Variants in GABRB1 observed in about 807,000 individuals in gnomAD.
GABRB1 encodes gamma-aminobutyric acid receptor subunit beta-1.
In GABRB1, 17 loss-of-function variants were observed where a neutral mutation model predicts 51.6. The ratio of observed to expected loss-of-function variants is 0.33; its 90% CI spans 0.23 to 0.49. The LOEUF is 0.49. Ranked by LOEUF, GABRB1 falls within the 20% of genes least tolerant of loss-of-function variation. GABRB1 has a pLI of 0.99. For missense variants in GABRB1, 410 were observed against 600.6 expected (o/e 0.68, Z 3.32); for synonymous variants, 247 against 218.9 (o/e 1.13, Z -1.14).
intron 4 of GABRB1, among the ~76,000 whole-genome samples, chr4:47,175,390 A>G (rs964049974): frequency 6.6e-6 from 1 of 151,954 alleles, no homozygotes; most frequent in Non-Finnish European, 1.5e-5. Context: ...TGTTCCTTGT[A>G]TTTCTTTTTC....
chr4:47,217,486 C>T (rs144845727), intron 4 of GABRB1, among the ~76,000 whole-genome samples: 5 of 151,808 alleles, frequency 3.3e-5, no homozygotes, highest in Admixed American at 6.6e-5. Context: ...CACCCATGAA[C>T]GTATCTACCT....
chr4:47,365,141 G>C (rs1188261160), intron 5 of GABRB1, among the ~76,000 whole-genome samples: 1 of 152,070 alleles, frequency 6.6e-6, no homozygotes, highest in South Asian at 2.1e-4. Flanking sequence ...CCACCTCTCC[G>C]GTCCCTGTAT....
chr4:47,114,490 T>G (rs2109635068), intron 3 of GABRB1, among the ~76,000 whole-genome samples: 1 of 152,352 alleles, frequency 6.6e-6, no homozygotes, highest in African/African-American at 2.4e-5. Flanking sequence ...CAAACTATGA[T>G]TCTGGGCATG....
chr4:46,998,696 T>C (rs1230536342), intron 1 of GABRB1, among the ~76,000 whole-genome samples: 1 of 135,988 alleles, frequency 7.4e-6, no homozygotes, highest in Non-Finnish European at 1.5e-5. Context: ...ATTGTGCCAC[T>C]GCACTGCAGC....
chr4:47,008,472 T>C lies in GABRB1; in HGVS notation c.-20+14546T>C, dbSNP rs574488454. ...AAAAATAAAATATTTTACTTTTTTT[T>C]TTTTTCTTGAGATGGAGTCTCACTC... is the stretch of plus-strand genomic sequence containing the variant. On this transcript the variant is annotated intron_variant, in intron 1 of 3. Coordinates refer to the GABRB1 transcript ENST00000513567. Among the ~76,000 whole-genome samples, 3 of 151,804 alleles carry C rather than the reference T, an allele frequency of 2.0e-5. No individual in the cohort carries two copies. In the South Asian group the frequency reaches 6.3e-4, roughly 32 times the overall value.
intron 4 of GABRB1, among the ~76,000 whole-genome samples, chr4:47,281,491 C>T (rs1723291741): frequency 6.6e-6 from 1 of 151,764 alleles, no homozygotes; most frequent in African/African-American, 2.4e-5. Flanking sequence ...TATGGGGGCT[C>T]CTTAAAAAAT....
intron 5 of GABRB1, among the ~76,000 whole-genome samples, chr4:47,392,544 T>A (rs372186636): frequency 7.9e-5 from 12 of 152,152 alleles, no homozygotes; most frequent in African/African-American, 2.7e-4. Context: ...GGTTTCACCA[T>A]GTTGGCCAGG....
chr4:47,268,484 A>G (rs1252463014), intron 4 of GABRB1, among the ~76,000 whole-genome samples: 2 of 152,132 alleles, frequency 1.3e-5, no homozygotes, highest in East Asian at 3.9e-4. Flanking sequence ...TCCTATGTGC[A>G]TGTATTACAT....
At chr4:47,113,386 C>CA (rs760542350) in intron 3 of GABRB1, among the ~76,000 whole-genome samples, 59,253 of 106,840 alleles carry the variant, frequency 0.55, 14,667 homozygotes, top group African/African-American at 0.68. Flanking sequence ...ACTTCGTCTC[C>CA]AAAAAAAAAA....
At chr4:47,418,955 T>C (rs1422267963) in intron 8 of GABRB1, among the ~76,000 whole-genome samples, 1 of 152,210 alleles carries the variant, frequency 6.6e-6, no homozygotes, top group Non-Finnish European at 1.5e-5. Context: ...TGAGCATGAA[T>C]ATAATGTTAA....
intron 1 of GABRB1, among the ~76,000 whole-genome samples, chr4:47,013,291 G>T (rs1260368886): frequency 3.3e-5 from 5 of 152,138 alleles, no homozygotes; most frequent in African/African-American, 1.2e-4. Flanking sequence ...ATTACTTTTA[G>T]AAATAAGCTG....
At position 47,085,519 on chromosome 4, in the gene GABRB1, C is replaced by T. The variant is rs181879764; in HGVS notation, c.240+53035C>T. Among the ~76,000 whole-genome samples, 120 of 152,070 alleles carry T rather than the reference C, an allele frequency of 7.9e-4. No individual in the cohort carries two copies. The Middle Eastern group carries it at 0.014, about 17-fold the overall frequency. ...ATACTTTCCATATTGGCATTTGACACGGATTGAAACAGTATACGGAACTAG... is the reference window on the plus strand; with the variant it reads ...ATACTTTCCATATTGGCATTTGACATGGATTGAAACAGTATACGGAACTAG... On this transcript the variant is annotated intron_variant, in intron 3 of 8. Coordinates refer to ENST00000295454, the MANE Select transcript of GABRB1 (RefSeq NM_000812.4).
chr4:47,403,063 A>G (rs1416361750), intron 5 of GABRB1, among the ~76,000 whole-genome samples: 1 of 152,216 alleles, frequency 6.6e-6, no homozygotes, highest in Non-Finnish European at 1.5e-5. Context: ...ATAAGAATAA[A>G]TTTGCAGCAA....
At chr4:47,419,120 T>TA (rs1729021144) in intron 8 of GABRB1, among the ~76,000 whole-genome samples, 1 of 152,340 alleles carries the variant, frequency 6.6e-6, no homozygotes, top group Admixed American at 6.5e-5. Flanking sequence ...CATAACAACG[T>TA]AAACACCAGT....
At chr4:47,161,509 T>C in intron 4 of GABRB1, 40 bp downstream of exon 4, 1 of 1,544,246 alleles carries the variant, frequency 6.5e-7, no homozygotes, top group Non-Finnish European at 8.9e-7. Context: ...GTTGTTGTTG[T>C]TTTGTTTCAT....
At chr4:47,373,244 C>G (rs554962627) in intron 5 of GABRB1, among the ~76,000 whole-genome samples, 78 of 152,300 alleles carry the variant, frequency 5.1e-4, no homozygotes, top group African/African-American at 1.8e-3. Context: ...TATCCATAAC[C>G]CTTTTTCTTT....
At chr4:47,027,699 T>A (rs1317901569), upstream of GABRB1, among the ~76,000 whole-genome samples, 3 of 151,722 alleles carry the variant, frequency 2.0e-5, 1 homozygote, top group Admixed American at 2.0e-4. Context: ...ATTTTTAGAT[T>A]GTATTAAATT....
intron 3 of GABRB1, among the ~76,000 whole-genome samples, chr4:47,041,290 A>G (rs1725824729): frequency 6.6e-6 from 1 of 152,144 alleles, no homozygotes; most frequent in Non-Finnish European, 1.5e-5. Context: ...AGAATTCAAG[A>G]GAGCCCTGTC....
intron 5 of GABRB1, among the ~76,000 whole-genome samples, chr4:47,346,047 CA>C (rs10672251): frequency 5.5e-4 from 78 of 142,824 alleles, no homozygotes; most frequent in African/African-American, 5.7e-4. Context: ...TTGAAAATGG[CA>C]AAAAAAAAAG....
Sources: gnomAD v4.1 joint callset for allele counts (sites outside exome capture counted in the v4.1 genomes callset) on GRCh38, gnomAD v4.1.1 for gene constraint, MANE v1.5 for transcripts, NCBI Gene and HGNC (gene_info 2026-07-23, HGNC 2026-07-21) for gene names.